Variants in FGD2 observed in about 807,000 individuals in gnomAD.
FGD2 encodes FYVE, RhoGEF and PH domain containing 2, also known as FYVE, RhoGEF and PH domain-containing protein 2.
In FGD2, 52 loss-of-function variants were observed where a neutral mutation model predicts 75.9. That is an observed-to-expected ratio of 0.69 (90% CI 0.55 to 0.86). FGD2 has a LOEUF of 0.86. Among genes scored for constraint, FGD2 ranks in the 40% least tolerant of loss-of-function variants. The pLI is 0.00. For missense variants in FGD2, 790 were observed against 872.0 expected (o/e 0.91, Z 1.18); for synonymous variants, 347 against 348.6 (o/e 1.00, Z 0.05).
At chr6:37,010,892 G>C in intron 2 of FGD2, 81 bp from the exon 3 acceptor site, 1 of 1,387,276 alleles carries the variant, frequency 7.2e-7, no homozygotes, top group South Asian at 1.2e-5. Flanking sequence ...CAACTTTGGA[G>C]ACTGAACCGA....
intron 15 of FGD2, 128 bp downstream of exon 15, chr6:37,027,703 T>C: frequency 3.2e-6 from 4 of 1,257,054 alleles, no homozygotes; most frequent in Non-Finnish European, 1.1e-6. Flanking sequence ...AATGAGGATA[T>C]GGTATCCTGG....
chr6:37,013,579 C>G (rs762782244), intron 4 of FGD2, 30 bp from the exon 5 acceptor site: 5 of 1,606,028 alleles, frequency 3.1e-6, no homozygotes, highest in Non-Finnish European at 4.3e-6. Flanking sequence ...GGTCTCTAGG[C>G]TGAGGGCAAT....
intron 12 of FGD2, 190 bp from the exon 13 acceptor site, chr6:37,022,049 A>G: frequency 1.4e-6 from 1 of 733,570 alleles, no homozygotes; most frequent in Non-Finnish European, 2.1e-6. Flanking sequence ...CACTTATACA[A>G]TAGGAATAAT....
At chr6:37,006,358 C>A (rs553237237) in intron 1 of FGD2, among the ~76,000 whole-genome samples, 1 of 152,102 alleles carries the variant, frequency 6.6e-6, no homozygotes, top group South Asian at 2.1e-4. Context: ...CCAGGATGTA[C>A]GGGCAGCATC....
chr6:37,025,829 T>C lies in FGD2; in HGVS notation c.1496T>C (p.Leu499Pro). The C allele has an allele frequency of 1.9e-6, 3 of 1,614,190 alleles. No individual in the cohort carries two copies. The highest frequency in any genetic ancestry group is 2.5e-6 in the Non-Finnish European group (3 of 1,180,020). Residue 499 changes from leucine to proline, a missense_variant, in exon 14 of 16, where the codon CTG (leucine) becomes CCG (proline). Coordinates refer to ENST00000274963, the MANE Select transcript of FGD2 (RefSeq NM_173558.4). ...CARCSDYRAE[L>P]KYDDNRPNRV... ...AGGTGCTCCGACTACCGGGCCGAAC[T>C]GAAATACGACGACAACAGGCCCAAC...
chr6:37,015,671 T>C, intron 8 of FGD2, 97 bp from the exon 9 acceptor site: 2 of 1,080,688 alleles, frequency 1.9e-6, no homozygotes, highest in South Asian at 1.3e-5. Flanking sequence ...GCGGGTCCAG[T>C]GGTGCTCAGC....
At chr6:37,013,383 G>T in intron 4 of FGD2, 1 of 1,309,818 alleles carries the variant, frequency 7.6e-7, no homozygotes, top group South Asian at 1.8e-5. Flanking sequence ...GCCGGGCCTT[G>T]TGGATGAGGC....
chr6:37,010,444 A>G (rs574370146), intron 2 of FGD2, among the ~76,000 whole-genome samples: 61 of 152,340 alleles, frequency 4.0e-4, no homozygotes, highest in African/African-American at 1.4e-3. Flanking sequence ...ATTGGGGGTT[A>G]GGGCTTCAAC....
At chr6:37,016,602 C>T (rs180948464) in intron 9 of FGD2, among the ~76,000 whole-genome samples, 5 of 151,002 alleles carry the variant, frequency 3.3e-5, no homozygotes, top group South Asian at 4.2e-4. Context: ...AGCAAAATCT[C>T]GGCTCACTGC....
chr6:37,007,493 C>T (rs1249081551), intron 1 of FGD2, among the ~76,000 whole-genome samples: 1 of 152,228 alleles, frequency 6.6e-6, no homozygotes, highest in Non-Finnish European at 1.5e-5. Flanking sequence ...TGGGTGGAGC[C>T]CCTCAGCATG....
intron 12 of FGD2, 144 bp from the exon 13 acceptor site, chr6:37,022,095 G>A (rs1765613399): frequency 8.7e-7 from 1 of 1,153,544 alleles, no homozygotes; most frequent in Non-Finnish European, 1.2e-6. Context: ...GATCAGGTCA[G>A]TCAGCTTGCT....
chr6:37,008,457 G>A (rs1237658343), intron 1 of FGD2, among the ~76,000 whole-genome samples: 2 of 152,122 alleles, frequency 1.3e-5, no homozygotes, highest in Admixed American at 6.5e-5. Context: ...TTCCCTTGAT[G>A]TATAGGTTAC....
intron 11 of FGD2, among the ~76,000 whole-genome samples, chr6:37,021,008 G>A (rs371021891): frequency 5.4e-5 from 8 of 148,656 alleles, no homozygotes; most frequent in Non-Finnish European, 1.0e-4. Flanking sequence ...ATGTGTGTGC[G>A]TGTGTACATG....
Position 37,013,699 on chromosome 6 carries a change from G to A in FGD2, c.618G>A (p.Ala206=), listed in dbSNP as rs752073145. The change falls in exon 5 of 16, where the codon GCG becomes GCA. Residue 206 remains alanine, a synonymous_variant. Transcript: ENST00000274963. ...YSEYVKNFER[A]AELLATWTDK... ...AGTATGTCAAGAACTTTGAGCGAGC[G>A]GCTGAGCTGCTGGCCACCTGGACCG... 2.2e-5 allele frequency: 36 copies of A among 1,613,954 alleles called. No individual in the cohort carries two copies. Among genetic ancestry groups the A allele is most frequent in the South Asian group, 5.5e-5 (5 of 91,092 alleles).
chr6:37,011,780 C>A lies in FGD2; in HGVS notation c.453C>A (p.Phe151Leu). The A allele has an allele frequency of 6.2e-7, 1 of 1,614,202 alleles. No homozygotes were observed. Among genetic ancestry groups the A allele is most frequent in the Non-Finnish European group, 8.5e-7 (1 of 1,180,022 alleles). ...AFPEDVVRVIFSNISSIYQFH... is the reference protein window; with the variant it reads ...AFPEDVVRVILSNISSIYQFH... The stretch of plus-strand genomic sequence containing the variant: ...CAGAGGATGTGGTCAGGGTCATCTT[C>A]TCCAACATCTCCTCCATCTATCAGT... Residue 151 changes from phenylalanine (F) to leucine (L), a missense_variant, in exon 4 of 16, where the codon TTC becomes TTA. By Grantham distance (22) the Phe-to-Leu change is conservative. Transcript: ENST00000274963.
In FGD2 at chr6:37,015,801, G is replaced by T; in HGVS notation, c.1063G>T (p.Val355Leu). ...CATGCTGCTCTACTGTGTGCCCAGG[G>T]TGATCCAGGTGGGCGCCCAGTTCCA... Reference protein sequence around the residue: ...NNMLLYCVPRVIQVGAQFQVR... With the variant: ...NNMLLYCVPRLIQVGAQFQVR... Residue 355 changes from valine to leucine, a missense_variant, in exon 9 of 16, where the codon GTG (valine) becomes TTG (leucine). Coordinates refer to ENST00000274963, the MANE Select transcript of FGD2 (RefSeq NM_173558.4). The T allele has an allele frequency of 6.3e-7, 1 of 1,596,858 alleles. No homozygotes were observed. Among genetic ancestry groups the T allele is most frequent in the African/African-American group, 1.3e-5 (1 of 74,952 alleles).
intron 3 of FGD2, chr6:37,011,464 A>G: frequency 6.8e-6 from 4 of 585,726 alleles, no homozygotes; most frequent in East Asian, 2.9e-5. Context: ...GGGCCTGTTT[A>G]TGGCATTCAT....
rs1296917307 is a variant in FGD2, at chr6:37,014,086, A to C, written c.809A>C (p.Gln270Pro). 1.2e-6 allele frequency: 2 copies of C among 1,613,952 alleles called. No homozygotes were observed. The highest frequency in any genetic ancestry group is 1.7e-6 in the Non-Finnish European group (2 of 1,179,894). The change falls in exon 6 of 16, where the codon CAG becomes CCG. Residue 270 changes from glutamine to proline, a missense_variant. Coordinates refer to ENST00000274963, the MANE Select transcript of FGD2 (RefSeq NM_173558.4). ...IQKLPAQAPD[Q>P]ADAQKALDMI... ...AAGCTGCCAGCCCAGGCCCCAGACC[A>C]GGCCGATGCCCAGAGTGAGGACACC... is the stretch of plus-strand genomic sequence containing the variant.
At chr6:37,006,126 T>C (rs1350200701) in intron 1 of FGD2, among the ~76,000 whole-genome samples, 2 of 152,204 alleles carry the variant, frequency 1.3e-5, no homozygotes, top group Non-Finnish European at 2.9e-5. Flanking sequence ...CGAGCAAGCA[T>C]GGGCAGACCA....
Sources: gnomAD v4.1 joint callset for allele counts (sites outside exome capture counted in the v4.1 genomes callset) on GRCh38, gnomAD v4.1.1 for gene constraint, MANE v1.5 for transcripts, NCBI Gene and HGNC (gene_info 2026-07-23, HGNC 2026-07-21) for gene names.